Variants in UBE2U observed in about 807,000 individuals in gnomAD.
UBE2U encodes the protein ubiquitin-conjugating enzyme E2 U.
UBE2U carries 39 observed loss-of-function variants against 41.2 expected under a neutral mutation model. The observed-to-expected ratio is 0.95, with a 90% confidence interval of 0.73 to 1.24. The LOEUF (loss-of-function observed/expected upper bound fraction) is 1.24. Among genes scored for constraint, UBE2U ranks in the 50% most tolerant of loss-of-function variants. The pLI, the probability that UBE2U is intolerant of heterozygous loss-of-function variation, is 0.00. For missense variants in UBE2U, 336 were observed against 363.1 expected (o/e 0.93, Z 0.61); for synonymous variants, 107 against 117.8 (o/e 0.91, Z 0.60).
chr1:64,239,157 A>AAGAAGAAGAAAAGAAGAAGAAG, intron 7 of UBE2U, among the ~76,000 whole-genome samples: 10 of 37,068 alleles, frequency 2.7e-4, no homozygotes, highest in Non-Finnish European at 4.7e-4. Context: ...GAAGAAGAAG[A>AAGAAGAAGAAAAGAAGAAGAAG]AAGAAGAAGA....
chr1:64,260,768 T>G, intron 9 of UBE2U, 74 bp downstream of exon 9: 1 of 1,218,690 alleles, frequency 8.2e-7, no homozygotes, highest in Non-Finnish European at 1.1e-6. Flanking sequence ...CTTTAAACTT[T>G]TTTCCATTTA....
In UBE2U at chr1:64,203,868, A is replaced by G; in HGVS notation, c.-183A>G. 2.2e-6 allele frequency: 1 copy of G among 455,848 alleles called. No homozygotes were observed. The highest frequency in any genetic ancestry group is 3.9e-6 in the Non-Finnish European group (1 of 255,448). 28.2% of individuals were successfully genotyped at this position (455,848 alleles called of 1,614,324 possible). ...AGTTCTCGTTTAGAGGAGTCAGGAG[A>G]AAAAGTCATTGTTATATCCCAACTT... On this transcript the variant is annotated 5_prime_UTR_variant, in exon 1 of 10. Coordinates refer to ENST00000371077, the MANE Select transcript of UBE2U (RefSeq NM_001366232.2).
At chr1:64,232,708 A>C (rs1002753860) in intron 7 of UBE2U, 59 bp downstream of exon 7, 1 of 1,426,722 alleles carries the variant, frequency 7.0e-7, no homozygotes, top group African/African-American at 1.4e-5. Context: ...GTTAACATTT[A>C]TCTTGGTTTC....
At chr1:64,216,230 C>T (rs1652003769) in intron 5 of UBE2U, among the ~76,000 whole-genome samples, 1 of 152,126 alleles carries the variant, frequency 6.6e-6, no homozygotes, top group South Asian at 2.1e-4. Flanking sequence ...CTTGGGGGAG[C>T]TATTTGATCA....
chr1:64,258,262 A>G (rs1645126317), intron 8 of UBE2U, among the ~76,000 whole-genome samples: 1 of 152,206 alleles, frequency 6.6e-6, no homozygotes. Context: ...ATGAATATTT[A>G]TTAAATGAAT....
chr1:64,203,654 G>A lies in UBE2U; in HGVS notation c.-397G>A. On this transcript the variant is annotated 5_prime_UTR_variant, in exon 1 of 10. Coordinates refer to ENST00000371077, the MANE Select transcript of UBE2U (RefSeq NM_001366232.2). ...TTTGCTTCCTCCGGTGCGTGGCTGC[G>A]GGGTTGCACCTGTGAAGCGAAGACA... 6.2e-6 allele frequency: 1 copy of A among 162,136 alleles called. No individual in the cohort carries two copies. Among genetic ancestry groups the A allele is most frequent in the Non-Finnish European group, 1.3e-5 (1 of 74,760 alleles). 10.0% of individuals were successfully genotyped at this position (162,136 alleles called of 1,614,324 possible).
At chr1:64,232,774 C>A in intron 7 of UBE2U, 125 bp downstream of exon 7, 1 of 538,452 alleles carries the variant, frequency 1.9e-6, no homozygotes, top group South Asian at 4.3e-5. Context: ...TCTGTAGGCT[C>A]TATATACTAT....
At chr1:64,225,734 G>T (rs1021081250) in intron 6 of UBE2U, among the ~76,000 whole-genome samples, 1 of 152,200 alleles carries the variant, frequency 6.6e-6, no homozygotes, top group African/African-American at 2.4e-5. Flanking sequence ...TGAGTTGTGA[G>T]AAAAAGTGGG....
At chr1:64,209,732 A>G (rs1223033251) in intron 3 of UBE2U, among the ~76,000 whole-genome samples, 2 of 151,088 alleles carry the variant, frequency 1.3e-5, no homozygotes, top group Admixed American at 6.6e-5. Context: ...TCTTTATATA[A>G]AAAGCCAAAT....
At chr1:64,250,882 G>C (rs1017582825) in intron 8 of UBE2U, among the ~76,000 whole-genome samples, 8 of 146,004 alleles carry the variant, frequency 5.5e-5, no homozygotes, top group Non-Finnish European at 1.0e-4. Flanking sequence ...ATGGACACAG[G>C]AAGGGGAACA....
chr1:64,219,119 T>C (rs1018425644), intron 5 of UBE2U, among the ~76,000 whole-genome samples: 1 of 152,216 alleles, frequency 6.6e-6, no homozygotes, highest in African/African-American at 2.4e-5. Flanking sequence ...TCCTAGTACC[T>C]GGGAGCTAAA....
At chr1:64,258,980 T>A (rs1230628343) in intron 8 of UBE2U, among the ~76,000 whole-genome samples, 2 of 152,156 alleles carry the variant, frequency 1.3e-5, no homozygotes, top group African/African-American at 4.8e-5. Context: ...CTCTCCAACA[T>A]CTGTTGTTTC....
At chr1:64,221,933 A>G (rs1162769610) in intron 6 of UBE2U, among the ~76,000 whole-genome samples, 1 of 151,992 alleles carries the variant, frequency 6.6e-6, no homozygotes, top group African/African-American at 2.4e-5. Context: ...AAAAATACAA[A>G]AAAATTAGCC....
At chr1:64,217,040 A>G (rs1354930631) in intron 5 of UBE2U, among the ~76,000 whole-genome samples, 1 of 152,212 alleles carries the variant, frequency 6.6e-6, no homozygotes, top group East Asian at 1.9e-4. Context: ...CTAAAAGCAA[A>G]TGACTCTATA....
At chr1:64,255,858 AT>A (rs143159361) in intron 8 of UBE2U, among the ~76,000 whole-genome samples, 7,126 of 152,196 alleles carry the variant, frequency 0.047, 534 homozygotes, top group African/African-American at 0.16. Flanking sequence ...CCATGATCCT[AT>A]GTCTAGAAAA....
chr1:64,263,337 T>C (rs1645207835), intron 9 of UBE2U, among the ~76,000 whole-genome samples: 1 of 152,200 alleles, frequency 6.6e-6, no homozygotes, highest in Non-Finnish European at 1.5e-5. Context: ...GGGTGCAGTG[T>C]GCCCCCAGGG....
At chr1:64,241,051 G>A (rs1644826568) in intron 7 of UBE2U, among the ~76,000 whole-genome samples, 1 of 152,180 alleles carries the variant, frequency 6.6e-6, no homozygotes, top group Non-Finnish European at 1.5e-5. Context: ...TAGCAGAACA[G>A]TTAGTTTTTA....
intron 6 of UBE2U, among the ~76,000 whole-genome samples, chr1:64,223,382 C>T (rs1444443777): frequency 6.6e-6 from 1 of 152,134 alleles, no homozygotes; most frequent in Non-Finnish European, 1.5e-5. Context: ...TATTTGCCAC[C>T]AGAGAATGTA....
In UBE2U at chr1:64,267,026, G is replaced by A; in HGVS notation, c.772G>A (p.Glu258Lys). 6.5e-7 allele frequency: 1 copy of A among 1,547,078 alleles called. No individual in the cohort carries two copies. The highest frequency in any genetic ancestry group is 8.7e-7 in the Non-Finnish European group (1 of 1,146,164). The change falls in exon 10 of 10, where the codon GAA (glutamate) becomes AAA (lysine). Residue 258 changes from glutamate to lysine, a missense_variant and splice_region_variant. Transcript: ENST00000371077. ...ATTTTTTATAATTCCCACCACAGAT[G>A]AAATTTTTCTTGAGTCACCAACTGC... is the stretch of plus-strand genomic sequence containing the variant. ...EEIKLCPTLN[E>K]IFLESPTAIN...
Sources: allele counts gnomAD v4.1 joint callset (sites outside exome capture counted in the v4.1 genomes callset), GRCh38; gene constraint gnomAD v4.1.1; transcripts MANE v1.5; gene names NCBI Gene and HGNC (gene_info 2026-07-23, HGNC 2026-07-21).